The following SPAG17 variants were observed in gnomAD, a reference collection of about 807,000 sequenced individuals.
SPAG17 encodes sperm-associated antigen 17.
In SPAG17, 169 loss-of-function variants were observed where a neutral mutation model predicts 273.6. That is an observed-to-expected ratio of 0.62 (90% CI 0.55 to 0.70). The LOEUF (loss-of-function observed/expected upper bound fraction) is 0.70, where lower values mean the gene tolerates loss of function less well. Ranked by LOEUF, SPAG17 falls within the 30% of genes least tolerant of loss-of-function variation. SPAG17 has a pLI of 0.00. For synonymous variants in SPAG17, 825 were observed against 873.2 expected (o/e 0.94, Z 0.97); for missense variants, 2,557 against 2,627.8 (o/e 0.97, Z 0.59).
At chr1:118,065,909 A>G (rs1652913372) in intron 18 of SPAG17, among the ~76,000 whole-genome samples, 1 of 152,172 alleles carries the variant, frequency 6.6e-6, no homozygotes, top group African/African-American at 2.4e-5. Flanking sequence ...CTCAAAATTA[A>G]ATTGGAGATC....
intron 21 of SPAG17, 25 bp from the exon 22 acceptor site, chr1:118,040,866 G>T: frequency 1.4e-6 from 2 of 1,448,368 alleles, no homozygotes; most frequent in Non-Finnish European, 1.9e-6. Flanking sequence ...ATTATGCTTT[G>T]AGTGTGAAGC....
At chr1:118,178,721 T>C (rs575231944) in intron 1 of SPAG17, among the ~76,000 whole-genome samples, 317 of 152,014 alleles carry the variant, frequency 2.1e-3, no homozygotes, top group African/African-American at 7.3e-3. Context: ...AGAACTGATA[T>C]ATTCAGTAAA....
intron 43 of SPAG17, among the ~76,000 whole-genome samples, chr1:117,980,058 G>T (rs1655606953): frequency 6.6e-6 from 1 of 152,128 alleles, no homozygotes; most frequent in African/African-American, 2.4e-5. Flanking sequence ...TATGGGAGGG[G>T]TCTAGCTCCA....
chr1:118,148,387 G>A (rs1361165958), intron 3 of SPAG17, among the ~76,000 whole-genome samples: 1 of 152,166 alleles, frequency 6.6e-6, no homozygotes, highest in Non-Finnish European at 1.5e-5. Context: ...CTCGGCAAGG[G>A]TACACGAACC....
chr1:118,165,300 C>A (rs142022926), intron 1 of SPAG17, among the ~76,000 whole-genome samples: 4 of 152,124 alleles, frequency 2.6e-5, no homozygotes, highest in African/African-American at 9.6e-5. Flanking sequence ...GGTGCAAGGG[C>A]GCCAGAAGTC....
intron 45 of SPAG17, 93 bp from the exon 46 acceptor site, chr1:117,970,209 A>G: frequency 7.8e-7 from 1 of 1,284,364 alleles, no homozygotes; most frequent in East Asian, 2.5e-5. Context: ...GAAGGTGTTA[A>G]TATTTGCTAC....
At chr1:118,061,048 G>C (rs1416795133) in intron 18 of SPAG17, among the ~76,000 whole-genome samples, 1 of 152,036 alleles carries the variant, frequency 6.6e-6, no homozygotes, top group Non-Finnish European at 1.5e-5. Flanking sequence ...TAAAACAAAA[G>C]ATACCAAGCA....
At position 118,161,682 on chromosome 1, in the gene SPAG17, C is replaced by G. The variant is rs554939596; in HGVS notation, c.88-10313G>C. 2.6e-5 allele frequency among the ~76,000 whole-genome samples: 4 copies of G among 152,176 alleles called. No homozygotes were observed. In the South Asian group the frequency reaches 8.3e-4, roughly 32 times the overall value. On this transcript the variant is annotated intron_variant, in intron 1 of 48. Coordinates refer to ENST00000336338, the MANE Select transcript of SPAG17 (RefSeq NM_206996.4). The stretch of plus-strand genomic sequence containing the variant: ...CCTCCTGAGTAGCTGGGACTACAGG[C>G]GCCCGCCCCCACCTGGCTAATTTTT...
intron 15 of SPAG17, among the ~76,000 whole-genome samples, chr1:118,074,896 C>T (rs1293188102): frequency 6.6e-6 from 1 of 152,170 alleles, no homozygotes; most frequent in Non-Finnish European, 1.5e-5. Context: ...AACAATATAC[C>T]TTTATCTTTA....
intron 26 of SPAG17, among the ~76,000 whole-genome samples, chr1:118,027,891 A>T (rs987927698): frequency 6.6e-6 from 1 of 152,116 alleles, no homozygotes; most frequent in Non-Finnish European, 1.5e-5. Flanking sequence ...TGCACCCATG[A>T]CCCTCTGTAG....
At chr1:118,136,297 T>G (rs1418299604) in intron 3 of SPAG17, among the ~76,000 whole-genome samples, 1 of 152,210 alleles carries the variant, frequency 6.6e-6, no homozygotes, top group Non-Finnish European at 1.5e-5. Flanking sequence ...ACAAATGCAC[T>G]CGTGGTATGC....
Position 118,124,485 on chromosome 1 carries a change from C to T in SPAG17, c.316-9044G>A, listed in dbSNP as rs149382711. 2.2e-3 allele frequency among the ~76,000 whole-genome samples: 338 copies of T among 152,282 alleles called. 4 individuals carry two copies. Among genetic ancestry groups the T allele is most frequent in the African/African-American group, 7.8e-3 (323 of 41,564 alleles). ...ATATAGACAAACAGTATATTCACTC[C>T]TTAAATAAACATAAGAATGGCATCT... On this transcript the variant is annotated intron_variant, in intron 3 of 48. Transcript: ENST00000336338.
intron 48 of SPAG17, chr1:117,959,049 T>G: frequency 6.4e-7 from 1 of 1,570,704 alleles, no homozygotes; most frequent in Non-Finnish European, 8.8e-7. Flanking sequence ...AAATTCCTAG[T>G]GTGATTTAGA....
At chr1:117,987,929 G>T (rs1459805651) in intron 39 of SPAG17, 48 bp from the exon 40 acceptor site, 1 of 1,603,264 alleles carries the variant, frequency 6.2e-7, no homozygotes, top group Admixed American at 1.7e-5. Context: ...AATGATTTCA[G>T]CTTAAAAACA....
At position 117,971,769 on chromosome 1, in the gene SPAG17, C is replaced by T. The variant is rs532647763; in HGVS notation, c.6326+94G>A. 3.6e-5 allele frequency: 36 copies of T among 1,000,900 alleles called. No homozygotes were observed. The South Asian group carries it at 4.3e-4, about 12-fold the overall frequency. The allele number at this position is 1,000,900 out of a possible 1,614,324, so 62.0% of individuals were successfully genotyped here. On this transcript the variant is annotated intron_variant, in intron 45 of 48. Transcript: ENST00000336338. ...GAAGATTCAAGGAGTAATTACAGTT[C>T]GGTTCAATAAACATTTATTGATGGA...
intron 32 of SPAG17, among the ~76,000 whole-genome samples, chr1:118,002,746 T>G (rs1240367808): frequency 6.6e-6 from 1 of 152,196 alleles, no homozygotes; most frequent in African/African-American, 2.4e-5. Context: ...GTCTCCTGAA[T>G]GCAGCACACT....
In SPAG17 at chr1:117,966,633, C is replaced by A; in HGVS notation, c.6508G>T (p.Val2170Phe). 1.2e-6 allele frequency: 2 copies of A among 1,612,910 alleles called. No individual in the cohort carries two copies. The highest frequency in any genetic ancestry group is 8.5e-7 in the Non-Finnish European group (1 of 1,179,674). Reference protein sequence around the residue: ...HNIEIMTEHEVLFLPVEATVL... With the variant: ...HNIEIMTEHEFLFLPVEATVL... ...TTTGCTTCCACAGGTAGGAACAGAA[C>A]CTCATGCTCTGTCATAATCTCGATA... is the stretch of plus-strand genomic sequence containing the variant. The change falls in exon 47 of 49, where the codon GTT (valine) becomes TTT (phenylalanine). Residue 2170 changes from valine to phenylalanine, a missense_variant. Val to Phe is a conservative substitution (Grantham distance 50). Coordinates refer to ENST00000336338, the MANE Select transcript of SPAG17 (RefSeq NM_206996.4).
At chr1:118,052,238 G>C (rs949718521) in intron 20 of SPAG17, among the ~76,000 whole-genome samples, 1 of 150,546 alleles carries the variant, frequency 6.6e-6, no homozygotes, top group Admixed American at 6.7e-5. Flanking sequence ...AGAAAAATCT[G>C]TTATTTGCAG....
chr1:117,959,363 G>GT, intron 48 of SPAG17: 1 of 1,613,904 alleles, frequency 6.2e-7, no homozygotes, highest in Non-Finnish European at 8.5e-7. Flanking sequence ...GTGAAGTTAT[G>GT]TTTTTTGCTG....
Sources: allele counts gnomAD v4.1 joint callset (sites outside exome capture counted in the v4.1 genomes callset), GRCh38; gene constraint gnomAD v4.1.1; transcripts MANE v1.5; gene names NCBI Gene and HGNC (gene_info 2026-07-23, HGNC 2026-07-21).